LRRC20: variants seen among roughly 807,000 people sequenced by gnomAD.
LRRC20 encodes leucine-rich repeat-containing protein 20.
In LRRC20, 11 loss-of-function variants were observed where a neutral mutation model predicts 14.4. The observed-to-expected ratio is 0.77, with a 90% CI of 0.48 to 1.27. The LOEUF (loss-of-function observed/expected upper bound fraction) is 1.27, where lower values mean the gene tolerates loss of function less well. Among genes scored for constraint, LRRC20 ranks in the 50% most tolerant of loss-of-function variants. The pLI is 0.00. For missense variants in LRRC20, 219 were observed against 251.2 expected, an observed-to-expected ratio of 0.87 and a Z score of 0.87; for synonymous variants, 121 against 107.3, an observed-to-expected ratio of 1.13 and a Z score of -0.79.
intron 4 of LRRC20, among the ~76,000 whole-genome samples, chr10:70,305,257 T>C (rs1338211630): frequency 6.6e-6 from 1 of 152,212 alleles, no homozygotes; most frequent in East Asian, 1.9e-4. Flanking sequence ...GGTTCACCTG[T>C]CCATGGTCAC....
At chr10:70,326,053 G>A (rs1413684898) in intron 3 of LRRC20, among the ~76,000 whole-genome samples, 5 of 152,094 alleles carry the variant, frequency 3.3e-5, no homozygotes, top group Non-Finnish European at 7.4e-5. Flanking sequence ...ACCATGACAT[G>A]CTGAGAGAGG....
intron 3 of LRRC20, 148 bp downstream of exon 3, chr10:70,340,405 C>G (rs76892698): frequency 0.046 from 40,722 of 879,732 alleles, 1,267 homozygotes; most frequent in East Asian, 0.11. Flanking sequence ...AGGGAGAACA[C>G]AGGTCCATTT....
intron 3 of LRRC20, among the ~76,000 whole-genome samples, chr10:70,329,291 T>A (rs1242204059): frequency 6.6e-6 from 1 of 152,206 alleles, no homozygotes; most frequent in South Asian, 2.1e-4. Context: ...AAAAACCAGT[T>A]CGGCAAAAAG....
intron 2 of LRRC20, among the ~76,000 whole-genome samples, chr10:70,370,907 C>T (rs930557785): frequency 4.6e-5 from 7 of 152,052 alleles, no homozygotes; most frequent in African/African-American, 1.7e-4. Flanking sequence ...GTAGTCTCAA[C>T]TACTTGGAAG....
At chr10:70,324,055 G>T (rs373120879) in intron 3 of LRRC20, 25 bp from the exon 4 acceptor site, 2 of 1,611,726 alleles carry the variant, frequency 1.2e-6, no homozygotes, top group East Asian at 2.2e-5. Flanking sequence ...GAAGGAGAGA[G>T]AACAGGATGA....
intron 2 of LRRC20, among the ~76,000 whole-genome samples, chr10:70,352,493 G>A (rs1843349103): frequency 1.3e-5 from 2 of 152,184 alleles, no homozygotes; most frequent in African/African-American, 4.8e-5. Flanking sequence ...AGTGACATGT[G>A]GCAGACACAT....
At chr10:70,317,870 G>A (rs991586693) in intron 4 of LRRC20, among the ~76,000 whole-genome samples, 9 of 152,222 alleles carry the variant, frequency 5.9e-5, no homozygotes, top group African/African-American at 1.9e-4. Context: ...CTATGCCACT[G>A]TCTGGCCTGG....
At chr10:70,338,650 T>TTTTG (rs1034639392) in intron 3 of LRRC20, among the ~76,000 whole-genome samples, 4 of 152,058 alleles carry the variant, frequency 2.6e-5, no homozygotes, top group East Asian at 3.9e-4. Flanking sequence ...TTTTTTTGGT[T>TTTTG]TTTGTTTGTT....
intron 2 of LRRC20, among the ~76,000 whole-genome samples, chr10:70,365,866 C>T (rs1012329340): frequency 3.3e-5 from 5 of 151,802 alleles, no homozygotes; most frequent in South Asian, 2.1e-4. Flanking sequence ...GTCAGGAGAT[C>T]GAGACCATCC....
In LRRC20 at chr10:70,340,641, G is replaced by A. The variant is rs1842878611; in HGVS notation, c.144C>T (p.Val48=). 6.2e-7 allele frequency: 1 copy of A among 1,614,078 alleles called. No homozygotes were observed. Among genetic ancestry groups the A allele is most frequent in the Admixed American group, 1.7e-5 (1 of 60,010 alleles). Residue 48 remains valine (V), a synonymous_variant, in exon 3 of 5, where the codon GTC becomes GTT. Coordinates refer to ENST00000446961, the MANE Select transcript of LRRC20 (RefSeq NM_001278212.2). The part of the protein sequence containing the change: ...PIGIYKVLRN[V]SGQIHLITLA... ...GGGTGATGAGGTGGATCTGGCCAGA[G>A]ACATTCCGCAGGACCTTGTAGATGC...
chr10:70,377,996 T>C (rs974809964), intron 1 of LRRC20, among the ~76,000 whole-genome samples: 2 of 152,176 alleles, frequency 1.3e-5, no homozygotes, highest in African/African-American at 2.4e-5. Context: ...TTCTTCTTCA[T>C]GTGAATAGGA....
At position 70,372,297 on chromosome 10, in the gene LRRC20, C is replaced by T. The variant is rs138734166; in HGVS notation, c.82+4155G>A. On this transcript the variant is annotated intron_variant, in intron 2 of 4. Coordinates refer to ENST00000446961, the MANE Select transcript of LRRC20 (RefSeq NM_001278212.2). The stretch of plus-strand genomic sequence containing the variant: ...ATGCAAAATAGTATTTTCTAACTCC[C>T]ATTTCCATATTGGTTATTTCCTTCC... 1.9e-3 allele frequency among the ~76,000 whole-genome samples: 286 copies of T among 152,236 alleles called. 1 individual carries two copies. Among genetic ancestry groups the T allele is most frequent in the African/African-American group, 6.6e-3 (273 of 41,520 alleles).
At chr10:70,376,412 TGCTTCCAGG>T in intron 2 of LRRC20, 31 bp downstream of exon 2, 1 of 1,596,898 alleles carries the variant, frequency 6.3e-7, no homozygotes, top group Non-Finnish European at 8.6e-7. Context: ...ATCTCACAAC[TGCTTCCAGG>T]GAAGTTGGGA....
chr10:70,360,863 G>T (rs1010720335), intron 2 of LRRC20, among the ~76,000 whole-genome samples: 1 of 152,116 alleles, frequency 6.6e-6, no homozygotes, highest in African/African-American at 2.4e-5. Flanking sequence ...CAGAAATTAG[G>T]TCCCACTGAA....
intron 2 of LRRC20, among the ~76,000 whole-genome samples, chr10:70,353,467 G>C (rs1843398870): frequency 6.6e-6 from 1 of 152,072 alleles, no homozygotes; most frequent in Non-Finnish European, 1.5e-5. Context: ...ACCCAGGCTG[G>C]AGTGCAGTGG....
At chr10:70,379,718 T>C (rs1355481423) in intron 1 of LRRC20, among the ~76,000 whole-genome samples, 1 of 152,184 alleles carries the variant, frequency 6.6e-6, no homozygotes, top group Non-Finnish European at 1.5e-5. Flanking sequence ...TGGGATCACC[T>C]GGGCTGAATA....
At chr10:70,336,259 T>A (rs998553798) in intron 3 of LRRC20, among the ~76,000 whole-genome samples, 1 of 152,112 alleles carries the variant, frequency 6.6e-6, no homozygotes, top group South Asian at 2.1e-4. Context: ...CTGGATTGAG[T>A]TGACGGGCAG....
intron 2 of LRRC20, among the ~76,000 whole-genome samples, chr10:70,344,215 A>T (rs1230147294): frequency 6.6e-6 from 1 of 152,152 alleles, no homozygotes; most frequent in Non-Finnish European, 1.5e-5. Flanking sequence ...AAGAAAAGAA[A>T]ATAAAAAAAA....
chr10:70,375,774 C>A (rs1195899944), intron 2 of LRRC20, among the ~76,000 whole-genome samples: 1 of 8,486 alleles, frequency 1.2e-4, no homozygotes, highest in Admixed American at 2.9e-3. Context: ...CACGCACACA[C>A]AGGACACACA....
Sources: allele counts gnomAD v4.1 joint callset (sites outside exome capture counted in the v4.1 genomes callset), GRCh38; gene constraint gnomAD v4.1.1; transcripts MANE v1.5; gene names NCBI Gene and HGNC (gene_info 2026-07-23, HGNC 2026-07-21).